Variants in EXD3 observed in about 807,000 individuals in gnomAD.
EXD3 encodes exonuclease mut-7 homolog.
Under a neutral mutation model 98.0 loss-of-function variants are expected in EXD3, and 92 were observed. The ratio of observed to expected loss-of-function variants is 0.94; its 90% CI spans 0.79 to 1.12. EXD3 has a LOEUF of 1.12. Among genes scored for constraint, EXD3 ranks in the 50% most tolerant of loss-of-function variants. EXD3 has a pLI of 0.00. For synonymous variants in EXD3, 569 were observed against 526.0 expected (o/e 1.08, Z -1.12); for missense variants, 1,222 against 1,191.6 (o/e 1.03, Z -0.38).
intron 14 of EXD3, among the ~76,000 whole-genome samples, chr9:137,350,813 C>T (rs1016738063): frequency 1.3e-5 from 2 of 152,066 alleles, no homozygotes. Context: ...GATAACGGCC[C>T]CACAGGGGCT....
chr9:137,332,610 A>C (rs546733207), intron 17 of EXD3, among the ~76,000 whole-genome samples: 1 of 149,242 alleles, frequency 6.7e-6, no homozygotes. Context: ...TTGGGAGGCC[A>C]AGGCGGGCAG....
intron 19 of EXD3, among the ~76,000 whole-genome samples, chr9:137,315,933 CGT>C (rs145659089): frequency 0.014 from 2,189 of 151,376 alleles, 60 homozygotes; most frequent in African/African-American, 0.05. Flanking sequence ...GCCCCCACAC[CGT>C]CCCCATCCCA....
intron 19 of EXD3, among the ~76,000 whole-genome samples, chr9:137,310,620 C>T (rs1831308955): frequency 1.3e-5 from 2 of 152,170 alleles, no homozygotes; most frequent in Non-Finnish European, 2.9e-5. Context: ...CCAGCTTACA[C>T]CCGAGTCCTG....
chr9:137,420,679 C>G (rs1360993154), intron 1 of EXD3, among the ~76,000 whole-genome samples: 1 of 150,972 alleles, frequency 6.6e-6, no homozygotes, highest in African/African-American at 2.4e-5. Flanking sequence ...GAAAGAATGT[C>G]ACTTTCCGAC....
intron 17 of EXD3, among the ~76,000 whole-genome samples, chr9:137,328,692 C>G (rs1832673952): frequency 1.5e-5 from 1 of 67,704 alleles, no homozygotes; most frequent in Admixed American, 1.5e-4. Context: ...CTACACGGGA[C>G]TACACAGGGT....
Position 137,353,880 on chromosome 9 carries a change from C to T in EXD3, c.870+459G>A, listed in dbSNP as rs187813295. ...CAGCAGCCTGAGGCTGCTTCCCCGG[C>T]GTGGGTTCCCACGTGGACGACAATA... On this transcript the variant is annotated intron_variant, in intron 10 of 21. Transcript: ENST00000340951. The T allele has an allele frequency of 3.5e-4, 344 of 989,516 alleles. No individual in the cohort carries two copies. The Middle Eastern group carries it at 4.6e-3, about 13-fold the overall frequency. 61.3% of individuals were successfully genotyped at this position (989,516 alleles called of 1,614,324 possible). A position where few individuals can be genotyped will look rare whatever the true frequency, so the allele number is the denominator to read the frequency against.
rs1038716162 is a variant in EXD3, at chr9:137,420,740, C to T, written c.-48+2374G>A. Among the ~76,000 whole-genome samples, 3 of 145,644 alleles carry T rather than the reference C, an allele frequency of 2.1e-5. 1 individual carries two copies. The highest frequency in any genetic ancestry group is 7.5e-5 in the African/African-American group (3 of 40,222). ...GGGACCTGGAGGACAGACATTCACC[C>T]CCCCCCCCAAATTCATACAGGTATT... On this transcript the variant is annotated intron_variant, in intron 1 of 21. Coordinates refer to ENST00000340951, the MANE Select transcript of EXD3 (RefSeq NM_017820.5).
In EXD3 at chr9:137,348,121, C is replaced by T. The variant is rs1283352153; in HGVS notation, c.1948G>A (p.Val650Met). ...GLARSLRCLG[V>M]DARMLGNGED... ...CCATTGCCCAGCATGCGTGCATCCA[C>T]ACCGAGACAGCGGAGGCTCCGTGCC... is the stretch of plus-strand genomic sequence containing the variant. Residue 650 changes from valine to methionine, a missense_variant, in exon 17 of 22, where the codon GTG becomes ATG. Physicochemically the swap from Val to Met is conservative, Grantham distance 21. Coordinates refer to ENST00000340951, the MANE Select transcript of EXD3 (RefSeq NM_017820.5). 1 of 1,612,282 alleles carries T rather than the reference C, an allele frequency of 6.2e-7. No individual in the cohort carries two copies.
Position 137,383,911 on chromosome 9 carries a change from G to A in EXD3, c.56-534C>T, listed in dbSNP as rs192162462. 5.9e-5 allele frequency among the ~76,000 whole-genome samples: 9 copies of A among 151,952 alleles called. No individual in the cohort carries two copies. In the South Asian group the frequency reaches 6.3e-4, roughly 11 times the overall value. ...GCCAACCAAAGACGCTGCCCCACAC[G>A]GACAGGGCCACCAGAGCGAGACCCG... On this transcript the variant is annotated intron_variant, in intron 2 of 21. Transcript: ENST00000340951.
In EXD3 at chr9:137,368,006, C is replaced by T. The variant is rs373275024; in HGVS notation, c.463-17G>A. 4.3e-5 allele frequency: 69 copies of T among 1,604,752 alleles called. No homozygotes were observed. The highest frequency in any genetic ancestry group is 1.7e-4 in the Middle Eastern group (1 of 5,978). On this transcript the variant is annotated splice_polypyrimidine_tract_variant and intron_variant, in intron 5 of 21. Coordinates refer to ENST00000340951, the MANE Select transcript of EXD3 (RefSeq NM_017820.5). ...CGTGGCTGCCTGGCAAACACAAAGG[C>T]GGCAGATTACTCAGGGCCTGGGAGG... is the stretch of plus-strand genomic sequence containing the variant.
rs73565519 is a variant in EXD3, at chr9:137,410,747, C to T, written c.-48+12367G>A. ...GGCCTGGCATGGAGGAGGTGACCCA[C>T]GGGGGACGTGCCTGACTCACTGTGG... On this transcript the variant is annotated intron_variant, in intron 1 of 21. Coordinates refer to ENST00000340951, the MANE Select transcript of EXD3 (RefSeq NM_017820.5). Among the ~76,000 whole-genome samples the T allele has an allele frequency of 4.2e-3, 636 of 152,262 alleles. 6 individuals are homozygous for T. Among genetic ancestry groups the T allele is most frequent in the African/African-American group, 0.015 (607 of 41,554 alleles).
Position 137,395,422 on chromosome 9 carries a change from C to T in EXD3, c.-47-18G>A. On this transcript the variant is annotated intron_variant, in intron 1 of 21. Transcript: ENST00000340951. This position sits in a 1 kb window ranked among gnomAD's most constrained non-coding sequence, Gnocchi z 6.5. ...ACGAGGATCTGCAGAAACAGACAAT[C>T]AGGTGAATGCAGAGCCCACTGCAAC... is the stretch of plus-strand genomic sequence containing the variant. The T allele has an allele frequency of 6.2e-7, 1 of 1,609,396 alleles. No homozygotes were observed. The highest frequency in any genetic ancestry group is 8.5e-7 in the Non-Finnish European group (1 of 1,177,386).
At chr9:137,382,164 A>C (rs78769761) in intron 3 of EXD3, among the ~76,000 whole-genome samples, 1,059 of 27,264 alleles carry the variant, frequency 0.039, 19 homozygotes, top group African/African-American at 0.18. Flanking sequence ...AGGAGGTGGG[A>C]GCATGCGGAG....
chr9:137,358,080 A>T (rs1244566711), intron 7 of EXD3, among the ~76,000 whole-genome samples: 2 of 152,114 alleles, frequency 1.3e-5, no homozygotes, highest in South Asian at 2.1e-4. Context: ...ACCCTCACAG[A>T]CACACCCAGG....
intron 17 of EXD3, among the ~76,000 whole-genome samples, chr9:137,331,092 G>A (rs575458565): frequency 6.6e-6 from 1 of 152,030 alleles, no homozygotes; most frequent in African/African-American, 2.4e-5. Flanking sequence ...GATTCAGGGG[G>A]GTTCAACATG....
Position 137,395,440 on chromosome 9 carries a change from A to T in EXD3, c.-47-36T>A. On this transcript the variant is annotated intron_variant, in intron 1 of 21. Transcript: ENST00000340951. This position sits in a 1 kb window ranked among gnomAD's most constrained non-coding sequence, Gnocchi z 6.5. Reference sequence around the variant, plus strand: ...AGACAATCAGGTGAATGCAGAGCCCACTGCAACAGGCAGCCATGCAGAGCC... The same window carrying T: ...AGACAATCAGGTGAATGCAGAGCCCTCTGCAACAGGCAGCCATGCAGAGCC... 1 of 1,590,774 alleles carries T rather than the reference A, an allele frequency of 6.3e-7. No homozygotes were observed. Among genetic ancestry groups the T allele is most frequent in the Non-Finnish European group, 8.6e-7 (1 of 1,162,174 alleles).
At chr9:137,334,647 A>G (rs1316382944) in intron 17 of EXD3, among the ~76,000 whole-genome samples, 1 of 152,246 alleles carries the variant, frequency 6.6e-6, no homozygotes. Flanking sequence ...GAAATCTAGG[A>G]AAGCTCTTCT....
rs187817978 is a variant in EXD3, at chr9:137,394,938, C to T, written c.55+365G>A. ...CGGCGCTAAGCCCCCAAGGGTGTTC[C>T]GGGCCCTCCGCCTGGCTCCCCGAGG... On this transcript the variant is annotated intron_variant, in intron 2 of 21. Transcript: ENST00000340951. Among the ~76,000 whole-genome samples the T allele has an allele frequency of 1.4e-4, 22 of 152,194 alleles. No individual in the cohort carries two copies. The East Asian group carries it at 3.5e-3, about 24-fold the overall frequency.
In EXD3 at chr9:137,359,841, C is replaced by G. The variant is rs1834952106; in HGVS notation, c.657-3473G>C. On this transcript the variant is annotated intron_variant, in intron 7 of 21. Coordinates refer to ENST00000340951, the MANE Select transcript of EXD3 (RefSeq NM_017820.5). The stretch of plus-strand genomic sequence containing the variant: ...GGACTAGGGCTGCTCCCGTGTTTCA[C>G]AGATGATGATTAAGCTGCCATGACT... 2.3e-5 allele frequency among the ~76,000 whole-genome samples: 2 copies of G among 86,324 alleles called. 1 individual carries two copies. Among genetic ancestry groups the G allele is most frequent in the Non-Finnish European group, 5.7e-5 (2 of 35,138 alleles). 56.6% of individuals were successfully genotyped at this position (86,324 alleles called of 152,430 possible).
Sources: allele counts gnomAD v4.1 joint callset (sites outside exome capture counted in the v4.1 genomes callset), GRCh38; gene constraint gnomAD v4.1.1; non-coding constraint Gnocchi (gnomAD v3.1); transcripts MANE v1.5; gene names NCBI Gene and HGNC (gene_info 2026-07-23, HGNC 2026-07-21).